NOS1: variants seen among roughly 807,000 people sequenced by gnomAD.
NOS1 encodes nitric oxide synthase 1, also known as NOS type I.
NOS1 carries 51 observed loss-of-function variants against 164.5 expected under a neutral mutation model. That is an observed-to-expected ratio of 0.31 (90% CI 0.25 to 0.39). The LOEUF is 0.39. Ranked by LOEUF, NOS1 falls within the 10% of genes least tolerant of loss-of-function variation. The pLI, the probability that NOS1 is intolerant of heterozygous loss-of-function variation, is 1.00. For missense variants in NOS1, 1,362 were observed against 1,885.6 expected (o/e 0.72, Z 5.14); for synonymous variants, 719 against 745.8 (o/e 0.96, Z 0.59).
intron 8 of NOS1, among the ~76,000 whole-genome samples, chr12:117,278,609 T>C (rs961404717): frequency 2.6e-5 from 4 of 152,156 alleles, no homozygotes; most frequent in African/African-American, 9.7e-5. Flanking sequence ...AATGCATTTG[T>C]TAGAGCAGCT....
intron 16 of NOS1, among the ~76,000 whole-genome samples, chr12:117,254,992 A>G (rs959351045): frequency 6.6e-6 from 1 of 152,186 alleles, no homozygotes; most frequent in Non-Finnish European, 1.5e-5. Context: ...TTAAATTAAT[A>G]CCTAATGCTA....
At position 117,260,627 on chromosome 12, in the gene NOS1, G is replaced by T; in HGVS notation, c.2223-18C>A. On this transcript the variant is annotated intron_variant, in intron 13 of 28. Transcript: ENST00000317775. ...TGACAGCTCTGGAGGGAAGAGGATG[G>T]AGATGAAAAATGGGCAACAGAAAAG... The T allele has an allele frequency of 1.2e-6, 2 of 1,603,240 alleles. No homozygotes were observed. Among genetic ancestry groups the T allele is most frequent in the Non-Finnish European group, 1.7e-6 (2 of 1,171,638 alleles).
rs968591538 is a variant in NOS1 at position 117,277,865 on chromosome 12, G to C, written c.1664+94C>G. The C allele has an allele frequency of 5.6e-6, 8 of 1,421,890 alleles. No individual in the cohort carries two copies. The South Asian group carries it at 1.1e-4, about 19-fold the overall frequency. 88.1% of individuals were successfully genotyped at this position (1,421,890 alleles called of 1,614,324 possible). A position where few individuals can be genotyped will look rare whatever the true frequency, so the allele number is the denominator to read the frequency against. On this transcript the variant is annotated intron_variant, in intron 9 of 28. Transcript: ENST00000317775. ...CCTTTCCCCTTTCAGCTTCGGTCTG[G>C]ACTAGAAAGAAAGCCAGGGGGGATG...
At chr12:117,299,009 C>T (rs1310886520) in intron 3 of NOS1, among the ~76,000 whole-genome samples, 1 of 152,228 alleles carries the variant, frequency 6.6e-6, no homozygotes, top group African/African-American at 2.4e-5. Context: ...GAAATGAGGG[C>T]AGCACACTGG....
Position 117,215,028 on chromosome 12 carries a change from C to T in NOS1, c.*281G>A, listed in dbSNP as rs1240745273. The T allele has an allele frequency of 1.1e-5, 13 of 1,181,184 alleles. No homozygotes were observed. Among genetic ancestry groups the T allele is most frequent in the Non-Finnish European group, 1.4e-5 (13 of 956,150 alleles). 73.2% of individuals were successfully genotyped at this position (1,181,184 alleles called of 1,614,324 possible). On this transcript the variant is annotated 3_prime_UTR_variant, in exon 29 of 29. Transcript: ENST00000317775. ...ACGGCCATGTTCCAGTGGTTTCATGCACCCGTGAGTTGCCCTTGTCGGCAA... is the reference window on the plus strand; with the variant it reads ...ACGGCCATGTTCCAGTGGTTTCATGTACCCGTGAGTTGCCCTTGTCGGCAA...
chr12:117,213,495 G>A lies in NOS1; in HGVS notation c.*1814C>T, dbSNP rs558308413. ...CTCCATGTGGCAGGAACAGGACACCGGTGGGGGCTGCCAGGGATGGCAGAG... is the reference window on the plus strand; with the variant it reads ...CTCCATGTGGCAGGAACAGGACACCAGTGGGGGCTGCCAGGGATGGCAGAG... On this transcript the variant is annotated 3_prime_UTR_variant, in exon 29 of 29. Transcript: ENST00000317775. 141 of 985,422 alleles carry A rather than the reference G, an allele frequency of 1.4e-4. No individual in the cohort carries two copies. Among genetic ancestry groups the A allele is most frequent in the Non-Finnish European group, 1.6e-4 (133 of 829,934 alleles). The allele number at this position is 985,422 out of a possible 1,614,324, so 61.0% of individuals were successfully genotyped here. A position where few individuals can be genotyped will look rare whatever the true frequency, so the allele number is the denominator to read the frequency against.
chr12:117,218,596 G>A (rs1302761848), intron 27 of NOS1, among the ~76,000 whole-genome samples: 1 of 152,066 alleles, frequency 6.6e-6, no homozygotes, highest in Non-Finnish European at 1.5e-5. Flanking sequence ...AGGAACAAGT[G>A]GCCGCATAGC....
intron 25 of NOS1, 146 bp from the exon 26 acceptor site, chr12:117,223,009 G>A: frequency 1.2e-6 from 1 of 848,718 alleles, no homozygotes. Context: ...ATGTATGCGT[G>A]CACACACATG....
intron 3 of NOS1, among the ~76,000 whole-genome samples, chr12:117,301,623 C>T (rs548497386): frequency 6.6e-6 from 1 of 152,284 alleles, no homozygotes; most frequent in East Asian, 1.9e-4. Context: ...AATCCAGGCC[C>T]TCAAAGTTCC....
intron 20 of NOS1, among the ~76,000 whole-genome samples, chr12:117,240,764 A>G (rs1274338613): frequency 6.6e-6 from 1 of 152,206 alleles, no homozygotes; most frequent in Non-Finnish European, 1.5e-5. Flanking sequence ...GTAAGGAGAC[A>G]GGGACTCAGA....
intron 22 of NOS1, among the ~76,000 whole-genome samples, chr12:117,230,970 A>G (rs898873759): frequency 6.6e-6 from 1 of 152,148 alleles, no homozygotes. Context: ...AGGGAAGGGT[A>G]GTGGGGAGGA....
intron 7 of NOS1, among the ~76,000 whole-genome samples, chr12:117,281,749 G>C (rs1251859043): frequency 1.4e-5 from 2 of 147,854 alleles, no homozygotes; most frequent in African/African-American, 2.5e-5. Flanking sequence ...AGAATCGCTT[G>C]AACTCGGGAG....
In NOS1 at chr12:117,278,129, T is replaced by C. The variant is rs748122767; in HGVS notation, c.1525-31A>G. The C allele has an allele frequency of 4.4e-6, 7 of 1,596,062 alleles. No individual in the cohort carries two copies. In the Admixed American group the frequency reaches 1.0e-4, roughly 23 times the overall value. The stretch of plus-strand genomic sequence containing the variant: ...AGCAGACCCGGCCAGGTAATGCCAC[T>C]GTACCCCACACCCTACAAACACAAC... On this transcript the variant is annotated intron_variant, in intron 8 of 28. Coordinates refer to ENST00000317775, the MANE Select transcript of NOS1 (RefSeq NM_000620.5).
rs1166326244 is a variant in NOS1 at position 117,225,001 on chromosome 12, T to C, written c.3826+15A>G. 1 of 1,614,060 alleles carries C rather than the reference T, an allele frequency of 6.2e-7. No homozygotes were observed. Reference sequence around the variant, plus strand: ...CCGGGGGTGGGAACCAAGTGGCCACTGGACTGTAACCCACCTTTGTGTTGG... The same window carrying C: ...CCGGGGGTGGGAACCAAGTGGCCACCGGACTGTAACCCACCTTTGTGTTGG... On this transcript the variant is annotated intron_variant, in intron 25 of 28. Transcript: ENST00000317775.
intron 23 of NOS1, 43 bp downstream of exon 23, chr12:117,227,388 G>A: frequency 6.3e-7 from 1 of 1,597,574 alleles, no homozygotes; most frequent in Admixed American, 1.7e-5. Flanking sequence ...GGCCCCTTGG[G>A]GGAAAATGCA....
chr12:117,333,829 T>C (rs1461066013), intron 1 of NOS1, among the ~76,000 whole-genome samples: 1 of 152,156 alleles, frequency 6.6e-6, no homozygotes, highest in Non-Finnish European at 1.5e-5. Flanking sequence ...GCTGTGCCCT[T>C]CTCTCTCCTT....
At chr12:117,265,289 T>A (rs1377160788) in intron 12 of NOS1, 27 bp downstream of exon 12, 2 of 1,505,626 alleles carry the variant, frequency 1.3e-6, no homozygotes, top group Non-Finnish European at 1.8e-6. Flanking sequence ...ACACTTAATA[T>A]GAAAAGAGGC....
chr12:117,290,540 A>G, intron 3 of NOS1, 114 bp from the exon 4 acceptor site: 1 of 1,260,924 alleles, frequency 7.9e-7, no homozygotes, highest in Non-Finnish European at 1.1e-6. Context: ...TTGAGTGACC[A>G]ACTGTCTACA....
At position 117,358,788 on chromosome 12, in the gene NOS1, G is replaced by GA. The variant is rs1045103427; in HGVS notation, c.-421+2723dup. ...TCTCTACATGATTTGGGACTTTGGG[G>GA]AAAAAAATCACACAATTTGTGGAGA... On this transcript the variant is annotated intron_variant, in intron 1 of 28. Transcript: ENST00000317775. Among the ~76,000 whole-genome samples, 24 of 152,292 alleles carry GA rather than the reference G, an allele frequency of 1.6e-4. No individual in the cohort carries two copies. In the East Asian group the frequency reaches 2.5e-3, roughly 16 times the overall value.
Sources: allele counts gnomAD v4.1 joint callset (sites outside exome capture counted in the v4.1 genomes callset), GRCh38; gene constraint gnomAD v4.1.1; transcripts MANE v1.5; gene names NCBI Gene and HGNC (gene_info 2026-07-23, HGNC 2026-07-21).